The following NANP variants were observed in gnomAD, a reference collection of about 807,000 sequenced individuals.
NANP encodes the protein N-acylneuraminate-9-phosphatase.
NANP carries 15 observed loss-of-function variants against 16.9 expected under a neutral mutation model. The ratio of observed to expected loss-of-function variants is 0.89; its 90% CI spans 0.59 to 1.37. The LOEUF (loss-of-function observed/expected upper bound fraction) is 1.37. Ranked by LOEUF, NANP falls within the 40% of genes most tolerant of loss-of-function variation. The pLI, the probability that NANP is intolerant of heterozygous loss-of-function variation, is 0.00. For missense variants in NANP, 290 were observed against 303.5 expected (o/e 0.96, Z 0.33); for synonymous variants, 135 against 112.6 (o/e 1.20, Z -1.26).
At position 25,615,271 on chromosome 20, in the gene NANP, G is replaced by A. The variant is rs568462488; in HGVS notation, c.*654C>T. On this transcript the variant is annotated 3_prime_UTR_variant, in exon 2 of 2. Transcript: ENST00000304788. The stretch of plus-strand genomic sequence containing the variant: ...TGATTTTAACAGCTTTTTCTAACTG[G>A]AGGAATCTGTCACATGCCATAGAAA... 6.6e-6 allele frequency: 1 copy of A among 151,806 alleles called. No homozygotes were observed. Among genetic ancestry groups the A allele is most frequent in the Admixed American group, 6.6e-5 (1 of 15,204 alleles). The allele number at this position is 151,806 out of a possible 1,614,324, so 9.4% of individuals were successfully genotyped here. A position where few individuals can be genotyped will look rare whatever the true frequency, so the allele number is the denominator to read the frequency against.
chr20:25,613,506 T>C lies in NANP; in HGVS notation c.*2419A>G. On this transcript the variant is annotated 3_prime_UTR_variant, in exon 2 of 2. Coordinates refer to ENST00000304788, the MANE Select transcript of NANP (RefSeq NM_152667.3). ...GTGAGAAGGCCACTACAGGGAAACT[T>C]TGAAAAAAAATAAAGATGACAAAAC... The C allele has an allele frequency of 4.4e-6, 1 of 226,472 alleles. No individual in the cohort carries two copies. Among genetic ancestry groups the C allele is most frequent in the African/African-American group, 2.3e-5 (1 of 44,400 alleles). The allele number at this position is 226,472 out of a possible 1,614,324, so 14.0% of individuals were successfully genotyped here.
rs2065341399 is a variant in NANP at position 25,615,971 on chromosome 20, G to C, written c.701C>G (p.Pro234Arg). 1 of 1,614,096 alleles carries C rather than the reference G, an allele frequency of 6.2e-7. No homozygotes were observed. Among genetic ancestry groups the C allele is most frequent in the Non-Finnish European group, 8.5e-7 (1 of 1,179,996 alleles). ...HYMVSSVLEL[P>R]ALLQSIDCKV... is the part of the protein sequence containing the mutation. ...GCAGTCTATACTTTGTAAGAGAGCA[G>C]GTAACTCTAGCACAGAAGAAACCAT... Residue 234 changes from proline to arginine, a missense_variant, in exon 2 of 2, where the codon CCT becomes CGT. By Grantham distance (103) the Pro-to-Arg change is moderately radical. Coordinates refer to ENST00000304788, the MANE Select transcript of NANP (RefSeq NM_152667.3).
intron 1 of NANP, 118 bp downstream of exon 1, chr20:25,623,741 A>G: frequency 9.8e-7 from 1 of 1,025,334 alleles, no homozygotes. Context: ...ACAGGTTTCA[A>G]CCAGCAAGAG....
intron 1 of NANP, among the ~76,000 whole-genome samples, chr20:25,619,167 C>A (rs1000281565): frequency 3.4e-5 from 5 of 145,456 alleles, no homozygotes; most frequent in African/African-American, 1.3e-4. Context: ...CTCTGTTACT[C>A]AGGCTGGATG....
Position 25,616,053 on chromosome 20 carries a change from CTG to C in NANP, c.617_618del (p.Thr206SerfsTer5). On this transcript the variant is annotated frameshift_variant, in exon 2 of 2. Transcript: ENST00000304788. LOFTEE classifies it high-confidence loss of function. ...ACTATTCCATTTTTATTGATCCAGA[CTG>C]TTGCTTTCAATCCTGCATTGAGGCC... The part of the protein sequence containing the change: ...QGGLNAGLKA[T>X]VWINKNGIVP... 1 of 1,614,188 alleles carries C rather than the reference CTG, an allele frequency of 6.2e-7. No individual in the cohort carries two copies. Among genetic ancestry groups the C allele is most frequent in the African/African-American group, 1.3e-5 (1 of 75,042 alleles).
chr20:25,616,172 G>A lies in NANP; in HGVS notation c.500C>T (p.Pro167Leu), dbSNP rs752052331. 27 of 1,613,972 alleles carry A rather than the reference G, an allele frequency of 1.7e-5. No homozygotes were observed. The highest frequency in any genetic ancestry group is 6.7e-5 in the East Asian group (3 of 44,896). Residue 167 changes from proline (P) to leucine (L), a missense_variant, in exon 2 of 2, where the codon CCG becomes CTG. Coordinates refer to ENST00000304788, the MANE Select transcript of NANP (RefSeq NM_152667.3). ...GGEQREEKPAPSIFYYCCNLL... is the reference protein window; with the variant it reads ...GGEQREEKPALSIFYYCCNLL... ...ATTGCAGCAGTAATAAAATATGGACGGTGCTGGTTTCTCCTCTCTCTGCTC... is the reference window on the plus strand; with the variant it reads ...ATTGCAGCAGTAATAAAATATGGACAGTGCTGGTTTCTCCTCTCTCTGCTC...
At chr20:25,622,335 A>G (rs1321185748) in intron 1 of NANP, among the ~76,000 whole-genome samples, 1 of 152,210 alleles carries the variant, frequency 6.6e-6, no homozygotes, top group Non-Finnish European at 1.5e-5. Flanking sequence ...CGCTGAGTGG[A>G]CACTGCAACC....
chr20:25,623,519 C>A (rs933042848), intron 1 of NANP, among the ~76,000 whole-genome samples: 3 of 152,212 alleles, frequency 2.0e-5, no homozygotes, highest in Non-Finnish European at 2.9e-5. Context: ...GGGACCAGCG[C>A]CTGGTCTCGC....
intron 1 of NANP, 97 bp downstream of exon 1, chr20:25,623,762 C>T (rs1209285777): frequency 8.3e-7 from 1 of 1,208,252 alleles, no homozygotes; most frequent in Non-Finnish European, 1.2e-6. Context: ...CGGCCCGCGG[C>T]GCCGGGGTGG....
chr20:25,613,270 A>G lies in NANP; in HGVS notation c.*2655T>C, dbSNP rs898304522. 1.3e-5 allele frequency: 2 copies of G among 152,230 alleles called. No individual in the cohort carries two copies. Among genetic ancestry groups the G allele is most frequent in the Non-Finnish European group, 2.9e-5 (2 of 68,052 alleles). The allele number at this position is 152,230 out of a possible 1,614,324, so 9.4% of individuals were successfully genotyped here. A position where few individuals can be genotyped will look rare whatever the true frequency, so the allele number is the denominator to read the frequency against. The stretch of plus-strand genomic sequence containing the variant: ...CAAAGAAGTTTGAAAGCAATAAACC[A>G]AGAACTTTGGTAAAGACCTGCTTTC... On this transcript the variant is annotated 3_prime_UTR_variant, in exon 2 of 2. Coordinates refer to ENST00000304788, the MANE Select transcript of NANP (RefSeq NM_152667.3).
At chr20:25,623,738 T>C (rs2065377809) in intron 1 of NANP, 121 bp downstream of exon 1, 1 of 988,378 alleles carries the variant, frequency 1.0e-6, no homozygotes, top group Non-Finnish European at 1.5e-6. Flanking sequence ...TCCACAGGTT[T>C]CAACCAGCAA....
chr20:25,623,786 G>C, intron 1 of NANP, 73 bp downstream of exon 1: 1 of 1,391,494 alleles, frequency 7.2e-7, no homozygotes, highest in East Asian at 2.4e-5. Context: ...TGGGGTCAAG[G>C]GGAGGTGAGC....
In NANP at chr20:25,623,868, G is replaced by T; in HGVS notation, c.81C>A (p.Gly27=). The part of the protein sequence containing the change: ...LIDTAGASRR[G]MLEVIKLLQS... ...TGGGTGGGGACGTTACCTCCAACAT[G>T]CCTCTCCTGCTCGCCCCGGCCGTGT... The change falls in exon 1 of 2, where the codon GGC becomes GGA. Residue 27 remains glycine, a synonymous_variant. Coordinates refer to ENST00000304788, the MANE Select transcript of NANP (RefSeq NM_152667.3). The T allele has an allele frequency of 1.2e-6, 2 of 1,613,426 alleles. No homozygotes were observed. The highest frequency in any genetic ancestry group is 2.2e-5 in the South Asian group (2 of 91,000).
rs191266028 is a variant in NANP, at chr20:25,613,077, A to C, written c.*2848T>G. The C allele has an allele frequency of 4.1e-4, 63 of 152,228 alleles. No individual in the cohort carries two copies. Among genetic ancestry groups the C allele is most frequent in the Admixed American group, 1.9e-3 (29 of 15,288 alleles). 9.4% of individuals were successfully genotyped at this position (152,228 alleles called of 1,614,324 possible). A position where few individuals can be genotyped will look rare whatever the true frequency, so the allele number is the denominator to read the frequency against. Reference sequence around the variant, plus strand: ...CAAGAATGTTTTATGAAAATTAAACATATAAAACTGGATCCCATACACATA... The same window carrying C: ...CAAGAATGTTTTATGAAAATTAAACCTATAAAACTGGATCCCATACACATA... On this transcript the variant is annotated 3_prime_UTR_variant, in exon 2 of 2. Transcript: ENST00000304788.
intron 1 of NANP, among the ~76,000 whole-genome samples, chr20:25,616,985 A>G (rs1003543433): frequency 2.6e-5 from 4 of 152,216 alleles, no homozygotes; most frequent in Admixed American, 6.5e-5. Context: ...TTAGGAGTTC[A>G]GGACCAGCAT....
rs1459026733 is a variant in NANP, at chr20:25,613,925, C to T, written c.*2000G>A. The T allele has an allele frequency of 3.0e-5, 12 of 398,044 alleles. No individual in the cohort carries two copies. Among genetic ancestry groups the T allele is most frequent in the Non-Finnish European group, 4.4e-5 (10 of 225,838 alleles). 24.7% of individuals were successfully genotyped at this position (398,044 alleles called of 1,614,324 possible). ...AAAAGGACAAGCCCCCTGCAGCACA[C>T]GCCAACCAATCTATCAGAGCAATCA... On this transcript the variant is annotated 3_prime_UTR_variant, in exon 2 of 2. Coordinates refer to ENST00000304788, the MANE Select transcript of NANP (RefSeq NM_152667.3).
chr20:25,623,949 A>T lies in NANP; in HGVS notation c.-1T>A. 1.9e-6 allele frequency: 3 copies of T among 1,612,114 alleles called. No individual in the cohort carries two copies. Among genetic ancestry groups the T allele is most frequent in the Non-Finnish European group, 2.5e-6 (3 of 1,179,496 alleles). On this transcript the variant is annotated 5_prime_UTR_variant, in exon 1 of 2. Coordinates refer to ENST00000304788, the MANE Select transcript of NANP (RefSeq NM_152667.3). Reference sequence around the variant, plus strand: ...CCGCCCGCACGCGGCTCAGCCCCATAGCGCCGGCCGCTGGCGCGAACCGTA... The same window carrying T: ...CCGCCCGCACGCGGCTCAGCCCCATTGCGCCGGCCGCTGGCGCGAACCGTA...
At chr20:25,621,316 G>C (rs149363507) in intron 1 of NANP, among the ~76,000 whole-genome samples, 1 of 152,222 alleles carries the variant, frequency 6.6e-6, no homozygotes, top group African/African-American at 2.4e-5. Flanking sequence ...TACCCACTAA[G>C]AAGTAAATTC....
In NANP at chr20:25,615,838, A is replaced by G; in HGVS notation, c.*87T>C. 7.9e-7 allele frequency: 1 copy of G among 1,270,954 alleles called. No individual in the cohort carries two copies. Among genetic ancestry groups the G allele is most frequent in the Non-Finnish European group, 1.1e-6 (1 of 916,344 alleles). The allele number at this position is 1,270,954 out of a possible 1,614,324, so 78.7% of individuals were successfully genotyped here. A position where few individuals can be genotyped will look rare whatever the true frequency, so the allele number is the denominator to read the frequency against. On this transcript the variant is annotated 3_prime_UTR_variant, in exon 2 of 2. Coordinates refer to ENST00000304788, the MANE Select transcript of NANP (RefSeq NM_152667.3). ...TAAGTAAAATTATTCTTAGAGCTGG[A>G]TTATCATAAGTGGAGTGCCCTAACT...
Sources: gnomAD v4.1 joint callset for allele counts (sites outside exome capture counted in the v4.1 genomes callset) on GRCh38, gnomAD v4.1.1 for gene constraint, MANE v1.5 for transcripts, NCBI Gene and HGNC (gene_info 2026-07-23, HGNC 2026-07-21) for gene names.